The following FAM178B variants were observed in gnomAD, a reference collection of about 807,000 sequenced individuals.
FAM178B encodes protein FAM178B.
Under a neutral mutation model 91.7 loss-of-function variants are expected in FAM178B, and 82 were observed. That is an observed-to-expected ratio of 0.89 (90% confidence interval 0.75 to 1.07). FAM178B has a LOEUF of 1.07. Ranked by LOEUF, FAM178B falls within the 50% of genes least tolerant of loss-of-function variation. The probability of loss-of-function intolerance (pLI) is 0.00; values close to 1 mark genes in which losing one functional copy is unlikely to be tolerated. For missense variants in FAM178B, 769 were observed against 846.7 expected, an observed-to-expected ratio of 0.91 and a Z score of 1.14; for synonymous variants, 368 against 359.4, an observed-to-expected ratio of 1.02 and a Z score of -0.27.
intron 12 of FAM178B, among the ~76,000 whole-genome samples, chr2:96,904,577 A>G (rs2080996414): frequency 7.9e-6 from 1 of 126,336 alleles, no homozygotes; most frequent in Non-Finnish European, 1.6e-5. Flanking sequence ...TATTTTTAGC[A>G]GAGACGGGGT....
At chr2:96,930,311 G>A (rs2081519380) in intron 8 of FAM178B, among the ~76,000 whole-genome samples, 1 of 147,798 alleles carries the variant, frequency 6.8e-6, no homozygotes. Flanking sequence ...TTTTCTGTCA[G>A]ACTACTTAAG....
intron 12 of FAM178B, among the ~76,000 whole-genome samples, chr2:96,920,654 C>G (rs1559073185): frequency 6.6e-6 from 1 of 152,180 alleles, no homozygotes; most frequent in East Asian, 1.9e-4. Flanking sequence ...AGGCACTGTT[C>G]TAGATCTGGG....
chr2:96,944,191 G>A (rs1042639693), intron 8 of FAM178B, among the ~76,000 whole-genome samples: 18 of 145,046 alleles, frequency 1.2e-4, no homozygotes, highest in African/African-American at 3.9e-4. Context: ...GCAGTGGGCC[G>A]AGATTGTGCC....
Position 96,879,015 on chromosome 2 carries a change from A to C in FAM178B, c.1777-522T>G, listed in dbSNP as rs2080314519. Among the ~76,000 whole-genome samples, 4 of 152,114 alleles carry C rather than the reference A, an allele frequency of 2.6e-5. 1 individual carries two copies. Among genetic ancestry groups the C allele is most frequent in the African/African-American group, 9.7e-5 (4 of 41,420 alleles). ...CCATCCTCATTCCTGCCAACTGCAC[A>C]CTCTCAGCAGTGAAAACAGGACGCA... On this transcript the variant is annotated intron_variant, in intron 14 of 16. Transcript: ENST00000490605.
At chr2:96,958,618 G>A (rs938462643) in intron 6 of FAM178B, among the ~76,000 whole-genome samples, 1 of 143,166 alleles carries the variant, frequency 7.0e-6, no homozygotes, top group Non-Finnish European at 1.5e-5. Flanking sequence ...TCAGTCAGAG[G>A]GGCGGAGGTT....
chr2:96,934,687 C>A (rs548758661), intron 8 of FAM178B, among the ~76,000 whole-genome samples: 2 of 152,346 alleles, frequency 1.3e-5, no homozygotes, highest in South Asian at 4.2e-4. Context: ...TAGGGAGACA[C>A]TGCGAAATGC....
chr2:96,930,243 A>AAAAT (rs1559080293), intron 8 of FAM178B, among the ~76,000 whole-genome samples: 2 of 137,594 alleles, frequency 1.5e-5, no homozygotes, highest in African/African-American at 5.2e-5. Flanking sequence ...AAAAAAAAAA[A>AAAAT]ATCTGACCAC....
chr2:96,971,858 T>C (rs1489088981), intron 3 of FAM178B, 43 bp downstream of exon 3: 2 of 1,440,578 alleles, frequency 1.4e-6, no homozygotes, highest in Non-Finnish European at 9.1e-7. Context: ...TGGCTAAAGA[T>C]GGGTAGCCAA....
intron 12 of FAM178B, among the ~76,000 whole-genome samples, chr2:96,904,260 C>G (rs572445594): frequency 2.0e-5 from 3 of 152,112 alleles, no homozygotes; most frequent in Non-Finnish European, 4.4e-5. Context: ...CTCAGTCCTA[C>G]GGGGGGGTGT....
At chr2:96,922,764 G>T (rs745694085) in intron 10 of FAM178B, among the ~76,000 whole-genome samples, 10 of 152,038 alleles carry the variant, frequency 6.6e-5, no homozygotes, top group Non-Finnish European at 1.3e-4. Flanking sequence ...GAGTGCAATG[G>T]TGCAATCTCA....
chr2:96,909,584 C>T (rs906925042), intron 12 of FAM178B, among the ~76,000 whole-genome samples: 1 of 152,144 alleles, frequency 6.6e-6, no homozygotes, highest in Non-Finnish European at 1.5e-5. Context: ...CTTTCAAGTG[C>T]GACACTCGGA....
intron 8 of FAM178B, among the ~76,000 whole-genome samples, chr2:96,940,928 T>C (rs1442964175): frequency 6.6e-6 from 1 of 152,202 alleles, no homozygotes. Flanking sequence ...GGCGGACCTG[T>C]GGTCTAGAAA....
intron 5 of FAM178B, among the ~76,000 whole-genome samples, chr2:96,963,574 G>C (rs2082109696): frequency 6.6e-6 from 1 of 152,190 alleles, no homozygotes; most frequent in African/African-American, 2.4e-5. Context: ...TGTCCACCTG[G>C]GACGGCTGCT....
intron 8 of FAM178B, among the ~76,000 whole-genome samples, chr2:96,945,380 T>TC (rs2081809579): frequency 9.5e-5 from 1 of 10,500 alleles, no homozygotes; most frequent in South Asian, 4.8e-4. Context: ...CCCTCAACTC[T>TC]TTCCTTACTC....
chr2:96,981,526 C>T (rs1212788778), intron 1 of FAM178B, among the ~76,000 whole-genome samples: 1 of 152,002 alleles, frequency 6.6e-6, no homozygotes, highest in Non-Finnish European at 1.5e-5. Context: ...CCAAGGCAGG[C>T]AGATCACGAG....
rs75366100 is a variant in FAM178B at position 96,937,383 on chromosome 2, G to T, written c.1079-8063C>A. ...TGAGCTAGGGAAAGCTGTGGCCCTGGCTCCGGAGCATTACTCAGGGCCACA... is the reference window on the plus strand; with the variant it reads ...TGAGCTAGGGAAAGCTGTGGCCCTGTCTCCGGAGCATTACTCAGGGCCACA... On this transcript the variant is annotated intron_variant, in intron 8 of 16. Coordinates refer to ENST00000490605, the MANE Select transcript of FAM178B (RefSeq NM_001122646.3). Among the ~76,000 whole-genome samples the T allele has an allele frequency of 7.5e-3, 1,141 of 152,268 alleles. 11 individuals carry two copies. Among genetic ancestry groups the T allele is most frequent in the African/African-American group, 0.026 (1,081 of 41,552 alleles).
intron 6 of FAM178B, among the ~76,000 whole-genome samples, chr2:96,955,209 T>C (rs6576992): frequency 0.75 from 113,991 of 151,242 alleles, 44,028 homozygotes; most frequent in Middle Eastern, 0.83. Flanking sequence ...CTACTAAATA[T>C]ACAAAAATTA....
intron 8 of FAM178B, among the ~76,000 whole-genome samples, chr2:96,938,741 T>C (rs989965589): frequency 2.0e-5 from 3 of 152,216 alleles, no homozygotes; most frequent in Non-Finnish European, 4.4e-5. Context: ...TCACGGCCCA[T>C]TGGGAGAGAC....
At chr2:96,943,923 G>A (rs1296642643) in intron 8 of FAM178B, among the ~76,000 whole-genome samples, 1 of 152,094 alleles carries the variant, frequency 6.6e-6, no homozygotes, top group Non-Finnish European at 1.5e-5. Context: ...AACTGAGTTA[G>A]TTACCAACAG....
Sources: gnomAD v4.1 joint callset for allele counts (sites outside exome capture counted in the v4.1 genomes callset) on GRCh38, gnomAD v4.1.1 for gene constraint, MANE v1.5 for transcripts, NCBI Gene and HGNC (gene_info 2026-07-23, HGNC 2026-07-21) for gene names.